ZFHX3: variants seen among roughly 807,000 people sequenced by gnomAD.
The protein encoded by ZFHX3 is zinc finger homeobox 3, also known as zinc finger homeobox protein 3.
Under a neutral mutation model 279.1 loss-of-function variants are expected in ZFHX3, and 42 were observed. That is an observed-to-expected ratio of 0.15 (90% CI 0.12 to 0.19). The LOEUF (loss-of-function observed/expected upper bound fraction) is 0.19, where lower values mean the gene tolerates loss of function less well. ZFHX3 is among the 10% of genes least tolerant of loss of function. ZFHX3 has a pLI of 1.00. For synonymous variants in ZFHX3, 2,293 were observed against 1,957.8 expected, an observed-to-expected ratio of 1.17 and a Z score of -4.52; for missense variants, 4,981 against 4,754.0, an observed-to-expected ratio of 1.05 and a Z score of -1.40.
intron 2 of ZFHX3, among the ~76,000 whole-genome samples, chr16:73,482,049 C>A (rs2018879044): frequency 6.6e-6 from 1 of 152,114 alleles, no homozygotes; most frequent in African/African-American, 2.4e-5. Flanking sequence ...TCTGAATATC[C>A]TTTGTAAATA....
At chr16:72,829,482 G>C (rs2037014633) in intron 5 of ZFHX3, 2 of 346,032 alleles carry the variant, frequency 5.8e-6, no homozygotes, top group Non-Finnish European at 5.3e-6. Flanking sequence ...CCAACACCCA[G>C]ATGCCCTTGC....
chr16:73,160,931 C>T (rs1222938339), intron 5 of ZFHX3, among the ~76,000 whole-genome samples: 1 of 152,040 alleles, frequency 6.6e-6, no homozygotes, highest in Non-Finnish European at 1.5e-5. Context: ...CTCACAGACA[C>T]TCTGGTCTGG....
At chr16:73,527,063 C>A (rs978266219) in intron 2 of ZFHX3, among the ~76,000 whole-genome samples, 1 of 152,082 alleles carries the variant, frequency 6.6e-6, no homozygotes, top group Non-Finnish European at 1.5e-5. Flanking sequence ...TTTCCTTTCT[C>A]CACTCACACA....
intron 4 of ZFHX3, among the ~76,000 whole-genome samples, chr16:72,840,398 G>C (rs2037316756): frequency 6.6e-6 from 1 of 152,204 alleles, no homozygotes. Context: ...GCCAGGGAAG[G>C]AGAGATGGAG....
chr16:73,002,988 A>G (rs764518571), intron 1 of ZFHX3, among the ~76,000 whole-genome samples: 1 of 152,216 alleles, frequency 6.6e-6, no homozygotes, highest in Non-Finnish European at 1.5e-5. Context: ...TCTTCTATGC[A>G]TATTTTAAAA....
intron 2 of ZFHX3, among the ~76,000 whole-genome samples, chr16:73,586,429 AAAAC>A (rs1481021258): frequency 5.4e-5 from 8 of 148,430 alleles, no homozygotes; most frequent in Non-Finnish European, 8.9e-5. Context: ...AACAAACAAA[AAAAC>A]ATACAGAAAA....
chr16:73,283,754 G>A (rs2014517915), intron 4 of ZFHX3, among the ~76,000 whole-genome samples: 1 of 152,102 alleles, frequency 6.6e-6, no homozygotes, highest in Non-Finnish European at 1.5e-5. Flanking sequence ...TACCAGCCTG[G>A]GCAACATAGT....
At chr16:73,139,055 G>T (rs1966839356) in intron 6 of ZFHX3, among the ~76,000 whole-genome samples, 1 of 152,158 alleles carries the variant, frequency 6.6e-6, no homozygotes, top group Admixed American at 6.6e-5. Context: ...GGTTGAAGGG[G>T]ACAGCATCTC....
chr16:73,668,394 TG>T (rs1486094308), intron 2 of ZFHX3, among the ~76,000 whole-genome samples: 1 of 152,068 alleles, frequency 6.6e-6, no homozygotes, highest in African/African-American at 2.4e-5. Flanking sequence ...CCATGGTGGT[TG>T]GTTGCACCCA....
At chr16:73,047,160 A>G (rs891312213) in intron 1 of ZFHX3, among the ~76,000 whole-genome samples, 4 of 152,214 alleles carry the variant, frequency 2.6e-5, no homozygotes. Flanking sequence ...TGACCTAAAC[A>G]TAGGCATTCC....
intron 3 of ZFHX3, among the ~76,000 whole-genome samples, chr16:73,382,232 G>A (rs1469930568): frequency 6.6e-6 from 1 of 152,194 alleles, no homozygotes; most frequent in Non-Finnish European, 1.5e-5. Flanking sequence ...TCCATCATAA[G>A]TCAGAAAATT....
At chr16:73,579,702 C>G (rs2051837508) in intron 2 of ZFHX3, among the ~76,000 whole-genome samples, 1 of 150,116 alleles carries the variant, frequency 6.7e-6, no homozygotes, top group Admixed American at 6.6e-5. Flanking sequence ...CGGGGTTTCA[C>G]CACGTTAGCC....
intron 6 of ZFHX3, among the ~76,000 whole-genome samples, chr16:73,135,255 T>G (rs1966767960): frequency 6.6e-6 from 1 of 152,182 alleles, no homozygotes; most frequent in Admixed American, 6.5e-5. Context: ...CTCAGAAGGC[T>G]AAAAGATCAT....
chr16:73,596,181 C>T (rs2052048146), intron 2 of ZFHX3, among the ~76,000 whole-genome samples: 1 of 151,860 alleles, frequency 6.6e-6, no homozygotes, highest in African/African-American at 2.4e-5. Context: ...GCCACCACGC[C>T]CGGCTAATTT....
chr16:73,285,161 C>G (rs1297314674), intron 4 of ZFHX3, among the ~76,000 whole-genome samples: 2 of 152,166 alleles, frequency 1.3e-5, no homozygotes, highest in Non-Finnish European at 2.9e-5. Context: ...GGTTGCAACC[C>G]TTGAGAAAGG....
chr16:73,682,788 A>AAAAG (rs201561147), intron 1 of ZFHX3, among the ~76,000 whole-genome samples: 135 of 147,810 alleles, frequency 9.1e-4, no homozygotes, highest in South Asian at 8.8e-3. Context: ...ACTTCATTTC[A>AAAAG]AAAGAAAGAA....
chr16:73,615,749 G>A lies in ZFHX3; in HGVS notation c.-1547+64431C>T, dbSNP rs146541695. ...ATGCTGCTGGGGCTGAGCACACGAA[G>A]TACAGTGATACAGAGACAGAACAGG... On this transcript the variant is annotated intron_variant, in intron 2 of 17. Coordinates refer to the ZFHX3 transcript ENST00000641206. Among the ~76,000 whole-genome samples the A allele has an allele frequency of 8.5e-5, 13 of 152,258 alleles. No homozygotes were observed. The East Asian group carries it at 2.1e-3, about 25-fold the overall frequency.
chr16:73,544,966 T>A (rs564503279), intron 2 of ZFHX3, among the ~76,000 whole-genome samples: 1 of 152,298 alleles, frequency 6.6e-6, no homozygotes, highest in Non-Finnish European at 1.5e-5. Context: ...TCAGTATCCA[T>A]TCCAAAACAA....
At chr16:73,524,881 A>G (rs2019666140) in intron 2 of ZFHX3, among the ~76,000 whole-genome samples, 2 of 152,096 alleles carry the variant, frequency 1.3e-5, no homozygotes, top group Admixed American at 1.3e-4. Context: ...TATTTGCTCT[A>G]TTTTCACAGA....
Sources: allele counts gnomAD v4.1 joint callset (sites outside exome capture counted in the v4.1 genomes callset), GRCh38; gene constraint gnomAD v4.1.1; transcripts MANE v1.5; gene names NCBI Gene and HGNC (gene_info 2026-07-23, HGNC 2026-07-21).